The following ERBB4 variants were observed in gnomAD, a reference collection of about 807,000 sequenced individuals.
ERBB4 encodes erb-b2 receptor tyrosine kinase 4, also known as receptor tyrosine-protein kinase erbB-4.
Under a neutral mutation model 158.0 loss-of-function variants are expected in ERBB4, and 42 were observed. The ratio of observed to expected loss-of-function variants is 0.27; its 90% CI spans 0.21 to 0.34. The LOEUF is 0.34. ERBB4 is among the 10% of genes least tolerant of loss of function. ERBB4 has a pLI of 1.00. For missense variants in ERBB4, 1,333 were observed against 1,624.1 expected (o/e 0.82, Z 3.08); for synonymous variants, 583 against 558.7 (o/e 1.04, Z -0.61).
chr2:212,446,591 G>GTACATATATA, intron 1 of ERBB4, among the ~76,000 whole-genome samples: 1 of 27,516 alleles, frequency 3.6e-5, no homozygotes, highest in East Asian at 1.1e-3. Context: ...ATATATATAT[G>GTACATATATA]TATATATATA....
chr2:211,421,649 T>A (rs1488697915), intron 24 of ERBB4, among the ~76,000 whole-genome samples: 3 of 151,852 alleles, frequency 2.0e-5, no homozygotes. Flanking sequence ...AAAACAAAAA[T>A]CTGTCTTCCT....
chr2:211,906,042 G>A (rs1303668203), intron 3 of ERBB4, among the ~76,000 whole-genome samples: 1 of 151,968 alleles, frequency 6.6e-6, no homozygotes, highest in Non-Finnish European at 1.5e-5. Context: ...CTACAGCCTT[G>A]TGAGTTACTC....
At chr2:212,030,965 C>T (rs2076889915) in intron 2 of ERBB4, among the ~76,000 whole-genome samples, 2 of 152,084 alleles carry the variant, frequency 1.3e-5, no homozygotes, top group Admixed American at 6.6e-5. Context: ...CGACATTTAA[C>T]ACCAGGCTAC....
intron 21 of ERBB4, among the ~76,000 whole-genome samples, chr2:211,430,079 G>A (rs1420629140): frequency 6.6e-6 from 1 of 152,064 alleles, no homozygotes; most frequent in African/African-American, 2.4e-5. Flanking sequence ...ATAAAGTTAA[G>A]CATTTGGAAA....
chr2:211,399,987 AAAAAGTATTTTAAGGAT>A (rs769701269), intron 25 of ERBB4, among the ~76,000 whole-genome samples: 1 of 152,162 alleles, frequency 6.6e-6, no homozygotes. Flanking sequence ...TAAAATTTTC[AAAAAGTATTTTAAGGAT>A]AATCATGGCT....
At chr2:212,260,786 C>A (rs1222277583) in intron 1 of ERBB4, among the ~76,000 whole-genome samples, 1 of 151,586 alleles carries the variant, frequency 6.6e-6, no homozygotes, top group African/African-American at 2.4e-5. Flanking sequence ...GCACTCCAGC[C>A]TAGGCGACAG....
At chr2:212,483,677 T>G (rs946807550) in intron 1 of ERBB4, among the ~76,000 whole-genome samples, 3 of 148,826 alleles carry the variant, frequency 2.0e-5, no homozygotes, top group Non-Finnish European at 4.6e-5. Flanking sequence ...TCAAGAAGCC[T>G]CACCCATTGA....
At chr2:211,861,485 G>A (rs558271513) in intron 3 of ERBB4, among the ~76,000 whole-genome samples, 2 of 150,918 alleles carry the variant, frequency 1.3e-5, no homozygotes, top group African/African-American at 2.4e-5. Context: ...TTACAGACAC[G>A]AGTCACTACA....
chr2:211,873,211 CAG>C (rs1252288916), intron 3 of ERBB4, among the ~76,000 whole-genome samples: 2 of 152,240 alleles, frequency 1.3e-5, no homozygotes, highest in South Asian at 2.1e-4. Flanking sequence ...CTCAGCATCA[CAG>C]AGTCTTAGAA....
rs183060707 is a variant in ERBB4, at chr2:212,328,598, A to C, written c.83-203695T>G. Among the ~76,000 whole-genome samples, 185 of 152,152 alleles carry C rather than the reference A, an allele frequency of 1.2e-3. 1 individual carries two copies. Among genetic ancestry groups the C allele is most frequent in the African/African-American group, 4.0e-3 (168 of 41,554 alleles). ...AACAGAGGATTCAGAAAGGTCTATA[A>C]TTCTTTAAAACTCAAATATCTGAAA... On this transcript the variant is annotated intron_variant, in intron 1 of 27. Coordinates refer to ENST00000342788, the MANE Select transcript of ERBB4 (RefSeq NM_005235.3).
intron 3 of ERBB4, among the ~76,000 whole-genome samples, chr2:211,946,733 TC>T (rs2125135913): frequency 6.6e-6 from 1 of 151,902 alleles, no homozygotes; most frequent in East Asian, 1.9e-4. Flanking sequence ...CCAAAAAGCC[TC>T]CCACAGAACT....
intron 1 of ERBB4, among the ~76,000 whole-genome samples, chr2:212,160,658 A>G (rs1575725432): frequency 6.6e-6 from 1 of 152,030 alleles, no homozygotes; most frequent in East Asian, 1.9e-4. Flanking sequence ...ATCCAATGCC[A>G]AATTCTACTG....
At chr2:212,204,558 T>C (rs995962018) in intron 1 of ERBB4, among the ~76,000 whole-genome samples, 3 of 151,610 alleles carry the variant, frequency 2.0e-5, no homozygotes, top group Non-Finnish European at 4.4e-5. Flanking sequence ...ATTAGCCGGC[T>C]TCATGGTACA....
intron 1 of ERBB4, among the ~76,000 whole-genome samples, chr2:212,180,311 T>C (rs1481986977): frequency 6.6e-6 from 1 of 151,586 alleles, no homozygotes; most frequent in African/African-American, 2.4e-5. Flanking sequence ...TATTTTTTTC[T>C]TGGACAGATA....
At chr2:211,791,190 A>G (rs749387630) in intron 3 of ERBB4, among the ~76,000 whole-genome samples, 2 of 151,944 alleles carry the variant, frequency 1.3e-5, no homozygotes, top group Non-Finnish European at 2.9e-5. Flanking sequence ...TTGGTTGACT[A>G]CAGAGGCTTG....
At chr2:211,803,915 C>A (rs2105896890) in intron 3 of ERBB4, among the ~76,000 whole-genome samples, 3 of 152,284 alleles carry the variant, frequency 2.0e-5, no homozygotes, top group Middle Eastern at 3.4e-3. Context: ...AAGAAAAGTG[C>A]AGAAGCCCCT....
intron 1 of ERBB4, among the ~76,000 whole-genome samples, chr2:212,352,973 G>A (rs2888088): frequency 0.65 from 98,883 of 151,910 alleles, 32,746 homozygotes; most frequent in East Asian, 0.79. Context: ...CTAAACCAAC[G>A]AAAATGAAAA....
intron 20 of ERBB4, among the ~76,000 whole-genome samples, chr2:211,503,230 A>G (rs1489689144): frequency 6.6e-6 from 1 of 152,130 alleles, no homozygotes; most frequent in Non-Finnish European, 1.5e-5. Flanking sequence ...TGAGCTGGGC[A>G]GCTGCAGCAA....
Position 212,399,710 on chromosome 2 carries a change from C to CAAA in ERBB4, c.82+138736_82+138738dup, listed in dbSNP as rs774502441. 6.2e-4 allele frequency among the ~76,000 whole-genome samples: 66 copies of CAAA among 106,512 alleles called. 5 individuals are homozygous for CAAA. Among genetic ancestry groups the CAAA allele is most frequent in the South Asian group, 5.1e-3 (16 of 3,132 alleles). 69.9% of individuals were successfully genotyped at this position (106,512 alleles called of 152,430 possible). ...TGAAACCCCGTCTCTACTAAAAATA[C>CAAA]AAAAAAAAAAAAAAAATTAGCCTGC... On this transcript the variant is annotated intron_variant, in intron 1 of 27. Transcript: ENST00000342788.
Sources: gnomAD v4.1 joint callset for allele counts (sites outside exome capture counted in the v4.1 genomes callset) on GRCh38, gnomAD v4.1.1 for gene constraint, MANE v1.5 for transcripts, NCBI Gene and HGNC (gene_info 2026-07-23, HGNC 2026-07-21) for gene names.